DAB1: variants seen among roughly 807,000 people sequenced by gnomAD.
The protein encoded by DAB1 is disabled homolog 1.
Under a neutral mutation model 64.6 loss-of-function variants are expected in DAB1, and 15 were observed. That is an observed-to-expected ratio of 0.23 (90% CI 0.16 to 0.36). DAB1 has a LOEUF of 0.36. Ranked by LOEUF, DAB1 falls within the 10% of genes least tolerant of loss-of-function variation. The pLI is 1.00. For missense variants in DAB1, 596 were observed against 706.7 expected, an observed-to-expected ratio of 0.84 and a Z score of 1.78; for synonymous variants, 235 against 251.9, an observed-to-expected ratio of 0.93 and a Z score of 0.64.
chr1:58,295,479 T>A (rs1219733477), intron 4 of DAB1, among the ~76,000 whole-genome samples: 1 of 152,078 alleles, frequency 6.6e-6, no homozygotes, highest in African/African-American at 2.4e-5. Flanking sequence ...CACAATAGCT[T>A]TTGGAGTCAC....
chr1:58,269,199 A>T (rs1219666652), intron 4 of DAB1, among the ~76,000 whole-genome samples: 1 of 140,042 alleles, frequency 7.1e-6, no homozygotes, highest in Admixed American at 7.6e-5. Context: ...AGAGTGTGAT[A>T]TTCCCCTTCC....
At chr1:57,869,702 C>T (rs1025727531) in intron 1 of DAB1, among the ~76,000 whole-genome samples, 15 of 152,030 alleles carry the variant, frequency 9.9e-5, no homozygotes, top group Admixed American at 2.6e-4. Context: ...AAAGTGGTGA[C>T]GAGAGAAACT....
intron 3 of DAB1, among the ~76,000 whole-genome samples, chr1:58,348,153 T>C (rs4912331): frequency 0.5 from 76,612 of 151,958 alleles, 19,308 homozygotes; most frequent in East Asian, 0.59. Context: ...CCAACCAACA[T>C]GGGACCTATT....
At chr1:57,235,297 T>G (rs1473438154) in intron 2 of DAB1, among the ~76,000 whole-genome samples, 1 of 152,208 alleles carries the variant, frequency 6.6e-6, no homozygotes, top group African/African-American at 2.4e-5. Flanking sequence ...TTACCTAGTT[T>G]AGAGAATTTA....
Position 57,136,537 on chromosome 1 carries a change from A to G in DAB1, c.306+6T>C, listed in dbSNP as rs1162969811. The G allele has an allele frequency of 8.2e-6, 12 of 1,469,058 alleles. No homozygotes were observed. The South Asian group carries it at 1.5e-4, about 19-fold the overall frequency. The allele number at this position is 1,469,058 out of a possible 1,614,324, so 91.0% of individuals were successfully genotyped here. ...TTTCACAATGCCATGTGATTGCTTT[A>G]CTTACCCCTGTCTTCTCATCAAAGA... On this transcript the variant is annotated splice_donor_region_variant and intron_variant, in intron 4 of 14. Transcript: ENST00000371236.
chr1:57,774,755 T>C (rs1649715245), intron 6 of DAB1, among the ~76,000 whole-genome samples: 1 of 151,774 alleles, frequency 6.6e-6, no homozygotes, highest in Admixed American at 6.6e-5. Flanking sequence ...GGATATAAAC[T>C]CTATTGGCCA....
intron 3 of DAB1, among the ~76,000 whole-genome samples, chr1:58,392,954 C>T (rs1385916088): frequency 1.3e-5 from 2 of 152,110 alleles, no homozygotes; most frequent in African/African-American, 4.8e-5. Flanking sequence ...CCATCATGCC[C>T]TCTTCCTTTG....
intron 4 of DAB1, among the ~76,000 whole-genome samples, chr1:57,111,193 G>A (rs1426960477): frequency 6.6e-6 from 1 of 152,014 alleles, no homozygotes; most frequent in Non-Finnish European, 1.5e-5. Flanking sequence ...AGGAAGGAAA[G>A]GTTGACACAC....
chr1:58,531,944 T>A (rs564508770), intron 1 of DAB1, among the ~76,000 whole-genome samples: 1 of 152,074 alleles, frequency 6.6e-6, no homozygotes, highest in African/African-American at 2.4e-5. Context: ...CCTGACCTCA[T>A]GATCCACCCA....
At chr1:57,705,373 G>C (rs1414450206) in intron 6 of DAB1, among the ~76,000 whole-genome samples, 2 of 152,068 alleles carry the variant, frequency 1.3e-5, no homozygotes, top group Non-Finnish European at 2.9e-5. Flanking sequence ...AATCCATTGT[G>C]ATCTGTGTAT....
intron 2 of DAB1, among the ~76,000 whole-genome samples, chr1:57,253,118 G>T (rs896241864): frequency 6.6e-6 from 1 of 152,194 alleles, no homozygotes; most frequent in Non-Finnish European, 1.5e-5. Context: ...GAGGAGTGGA[G>T]CTCTTCTGCT....
At chr1:57,963,676 C>G (rs566293867) in intron 5 of DAB1, among the ~76,000 whole-genome samples, 1 of 152,190 alleles carries the variant, frequency 6.6e-6, no homozygotes, top group Non-Finnish European at 1.5e-5. Flanking sequence ...CCCTGCGTCA[C>G]GCCCATGCTG....
intron 5 of DAB1, among the ~76,000 whole-genome samples, chr1:57,934,578 T>G (rs1644999807): frequency 6.6e-6 from 1 of 152,188 alleles, no homozygotes; most frequent in South Asian, 2.1e-4. Context: ...ACCTAGCATT[T>G]AACTTGATCT....
At chr1:58,100,402 G>A (rs1651243598) in intron 5 of DAB1, among the ~76,000 whole-genome samples, 1 of 151,980 alleles carries the variant, frequency 6.6e-6, no homozygotes, top group Non-Finnish European at 1.5e-5. Context: ...CCTCTTTAAG[G>A]GGTGAATAAT....
intron 2 of DAB1, among the ~76,000 whole-genome samples, chr1:57,174,218 T>C (rs1255998170): frequency 6.6e-6 from 1 of 152,180 alleles, no homozygotes; most frequent in African/African-American, 2.4e-5. Flanking sequence ...GTATTGGTAT[T>C]TCATGACTTA....
chr1:58,355,340 T>C (rs1483519007), intron 3 of DAB1, among the ~76,000 whole-genome samples: 1 of 152,210 alleles, frequency 6.6e-6, no homozygotes, highest in Non-Finnish European at 1.5e-5. Context: ...TGTTCAATCT[T>C]TAATTATCTC....
At chr1:57,837,098 G>A (rs190684409) in intron 1 of DAB1, among the ~76,000 whole-genome samples, 7 of 152,292 alleles carry the variant, frequency 4.6e-5, no homozygotes, top group Non-Finnish European at 1.0e-4. Flanking sequence ...CAAACTGGCA[G>A]TCTTTCTCAG....
chr1:57,370,249 AT>A (rs1680389727), intron 1 of DAB1, among the ~76,000 whole-genome samples: 1 of 152,182 alleles, frequency 6.6e-6, no homozygotes, highest in Admixed American at 6.5e-5. Context: ...CTCAGGAAAT[AT>A]TTGCTAATGA....
intron 5 of DAB1, among the ~76,000 whole-genome samples, chr1:58,109,894 G>A (rs1489881168): frequency 6.6e-6 from 1 of 151,968 alleles, no homozygotes; most frequent in African/African-American, 2.4e-5. Flanking sequence ...CTCCATGTCT[G>A]AAGCCTTCTC....
Sources: allele counts gnomAD v4.1 joint callset (sites outside exome capture counted in the v4.1 genomes callset), GRCh38; gene constraint gnomAD v4.1.1; transcripts MANE v1.5; gene names NCBI Gene and HGNC (gene_info 2026-07-23, HGNC 2026-07-21).